The following ANO2 variants were observed in gnomAD, a reference collection of about 807,000 sequenced individuals.
The protein encoded by ANO2 is anoctamin-2.
A neutral mutation model predicts 124.2 loss-of-function variants in ANO2; 101 were observed. The observed-to-expected ratio is 0.81, with a 90% CI of 0.69 to 0.96. The LOEUF (loss-of-function observed/expected upper bound fraction) is 0.96. Among genes scored for constraint, ANO2 ranks in the 40% least tolerant of loss-of-function variants. ANO2 has a pLI of 0.00. For missense variants in ANO2, 1,293 were observed against 1,274.5 expected, an observed-to-expected ratio of 1.01 and a Z score of -0.22; for synonymous variants, 486 against 482.5, an observed-to-expected ratio of 1.01 and a Z score of -0.09.
intron 10 of ANO2, among the ~76,000 whole-genome samples, chr12:5,755,492 G>A (rs1043164966): frequency 2.0e-5 from 3 of 151,634 alleles, no homozygotes; most frequent in African/African-American, 4.9e-5. Context: ...TGCCATGTTC[G>A]TGTGCTGCAC....
chr12:5,614,761 T>C (rs376780061), intron 17 of ANO2, among the ~76,000 whole-genome samples: 22 of 152,318 alleles, frequency 1.4e-4, no homozygotes, highest in African/African-American at 5.3e-4. Context: ...ATCCCAGAGC[T>C]TGCCACTGGT....
chr12:5,634,663 T>C lies in ANO2; in HGVS notation c.1816+489A>G, dbSNP rs1945912055. 2.0e-5 allele frequency among the ~76,000 whole-genome samples: 3 copies of C among 152,280 alleles called. No homozygotes were observed. In the South Asian group the frequency reaches 6.2e-4, roughly 32 times the overall value. ...ATATGCCTCTTTGAAGTCTACTCAG[T>C]GCCTGGGGAATGTGTGGATTTTCTG... On this transcript the variant is annotated intron_variant, in intron 16 of 24. Coordinates refer to ENST00000682330, the MANE Select transcript of ANO2 (RefSeq NM_001364791.2).
At chr12:5,705,195 G>A (rs1039810008) in intron 14 of ANO2, among the ~76,000 whole-genome samples, 32 of 152,212 alleles carry the variant, frequency 2.1e-4, no homozygotes, top group African/African-American at 7.7e-4. Flanking sequence ...TATGCTGGGT[G>A]TTAGCTATGT....
At chr12:5,763,707 G>C (rs187561417) in intron 10 of ANO2, among the ~76,000 whole-genome samples, 1 of 152,046 alleles carries the variant, frequency 6.6e-6, no homozygotes, top group African/African-American at 2.4e-5. Flanking sequence ...AAAGCTATGC[G>C]TAGAGAGATA....
At chr12:5,746,806 G>A (rs553015720) in intron 11 of ANO2, among the ~76,000 whole-genome samples, 26 of 152,222 alleles carry the variant, frequency 1.7e-4, no homozygotes, top group Non-Finnish European at 3.2e-4. Context: ...CTGCTATTAA[G>A]GTCTCAGACC....
rs1952149923 is a variant in ANO2 at position 5,773,762 on chromosome 12, G to A, written c.1056-22792C>T. Among the ~76,000 whole-genome samples, 3 of 152,180 alleles carry A rather than the reference G, an allele frequency of 2.0e-5. No individual in the cohort carries two copies. The South Asian group carries it at 6.2e-4, about 32-fold the overall frequency. On this transcript the variant is annotated intron_variant, in intron 10 of 24. Coordinates refer to ENST00000682330, the MANE Select transcript of ANO2 (RefSeq NM_001364791.2). ...AGCAGGAATGAGAAAGAGGCACCAAGGCTCACAACTTGGTGAGTGAGCATG... is the reference window on the plus strand; with the variant it reads ...AGCAGGAATGAGAAAGAGGCACCAAAGCTCACAACTTGGTGAGTGAGCATG...
Position 5,635,377 on chromosome 12 carries a change from T to A in ANO2, c.1621-30A>T, listed in dbSNP as rs1945961003. 6.7e-7 allele frequency: 1 copy of A among 1,492,366 alleles called. No individual in the cohort carries two copies. Among genetic ancestry groups the A allele is most frequent in the Non-Finnish European group, 8.9e-7 (1 of 1,122,858 alleles). The allele number at this position is 1,492,366 out of a possible 1,614,324, so 92.4% of individuals were successfully genotyped here. A position where few individuals can be genotyped will look rare whatever the true frequency, so the allele number is the denominator to read the frequency against. On this transcript the variant is annotated intron_variant, in intron 15 of 24. Transcript: ENST00000682330. The surrounding 1 kb of genome is among the most constrained non-coding windows in gnomAD (Gnocchi z 5.2). The stretch of plus-strand genomic sequence containing the variant: ...TTGGGAAAACAGAGAGAAGTACACA[T>A]CAGCCGGCAATTACCGAGCACCTAC...
intron 16 of ANO2, among the ~76,000 whole-genome samples, chr12:5,625,857 C>G (rs558196932): frequency 9.2e-5 from 14 of 152,194 alleles, no homozygotes; most frequent in African/African-American, 3.4e-4. Flanking sequence ...AGTCAGAAGA[C>G]CTTTCTGTCT....
intron 14 of ANO2, among the ~76,000 whole-genome samples, chr12:5,693,025 T>C (rs887915365): frequency 1.3e-5 from 2 of 152,182 alleles, no homozygotes; most frequent in Non-Finnish European, 2.9e-5. Flanking sequence ...TAGCCGCTTC[T>C]GCTCAGTTAC....
rs573385474 is a variant in ANO2, at chr12:5,853,741, G to A, written c.633+302C>T. On this transcript the variant is annotated intron_variant, in intron 4 of 24. Coordinates refer to ENST00000682330, the MANE Select transcript of ANO2 (RefSeq NM_001364791.2). The stretch of plus-strand genomic sequence containing the variant: ...AAGTGTCTGGCTGTACTAGGACCCC[G>A]AGAAGAGAGAAAGGAGGTGAAACAG... Among the ~76,000 whole-genome samples, 7 of 152,212 alleles carry A rather than the reference G, an allele frequency of 4.6e-5. 1 individual carries two copies. The South Asian group carries it at 8.3e-4, about 18-fold the overall frequency.
At chr12:5,821,914 T>C (rs1203423659) in intron 7 of ANO2, among the ~76,000 whole-genome samples, 1 of 152,154 alleles carries the variant, frequency 6.6e-6, no homozygotes, top group Admixed American at 6.5e-5. Flanking sequence ...TCTTCATTCC[T>C]GCCACCCTGC....
At chr12:5,577,326 A>AT (rs527774895) in intron 22 of ANO2, among the ~76,000 whole-genome samples, 131 of 152,320 alleles carry the variant, frequency 8.6e-4, no homozygotes, top group African/African-American at 3.1e-3. Context: ...GCTGGCTGAT[A>AT]TGTTCCTGGG....
At chr12:5,872,791 G>A (rs1426541963) in intron 3 of ANO2, among the ~76,000 whole-genome samples, 1 of 152,124 alleles carries the variant, frequency 6.6e-6, no homozygotes, top group East Asian at 1.9e-4. Context: ...GCAAAGGAAT[G>A]GGCTCTGGAA....
chr12:5,808,776 G>A (rs769989168), intron 7 of ANO2, among the ~76,000 whole-genome samples: 42 of 152,126 alleles, frequency 2.8e-4, no homozygotes, highest in South Asian at 6.2e-4. Flanking sequence ...CCCACCTCCC[G>A]CTCTTACCCA....
intron 14 of ANO2, among the ~76,000 whole-genome samples, chr12:5,663,976 CA>C (rs966042875): frequency 5.3e-5 from 8 of 152,300 alleles, no homozygotes; most frequent in Non-Finnish European, 1.2e-4. Context: ...GGCTATGAAA[CA>C]GTTACAGTGC....
chr12:5,609,735 G>C (rs1414611284), intron 19 of ANO2, among the ~76,000 whole-genome samples: 1 of 151,706 alleles, frequency 6.6e-6, no homozygotes, highest in African/African-American at 2.4e-5. Flanking sequence ...GCCCTTACCA[G>C]GTCCCTGACA....
intron 14 of ANO2, among the ~76,000 whole-genome samples, chr12:5,683,642 C>T (rs1948590655): frequency 6.6e-6 from 1 of 152,070 alleles, no homozygotes; most frequent in South Asian, 2.1e-4. Context: ...ACAGAGTCGC[C>T]ATACCGTTTA....
intron 4 of ANO2, 119 bp from the exon 5 acceptor site, chr12:5,832,722 A>G (rs1954195939): frequency 2.5e-6 from 3 of 1,179,580 alleles, no homozygotes; most frequent in Non-Finnish European, 3.5e-6. Context: ...AGAGAGGAAG[A>G]GACTGGGAGA....
intron 4 of ANO2, among the ~76,000 whole-genome samples, chr12:5,849,955 T>C (rs1192628131): frequency 6.6e-6 from 1 of 152,258 alleles, no homozygotes; most frequent in East Asian, 1.9e-4. Flanking sequence ...TGCTCCTCTC[T>C]CAACTCAGGA....
Sources: allele counts gnomAD v4.1 joint callset (sites outside exome capture counted in the v4.1 genomes callset), GRCh38; gene constraint gnomAD v4.1.1; non-coding constraint Gnocchi (gnomAD v3.1); transcripts MANE v1.5; gene names NCBI Gene and HGNC (gene_info 2026-07-23, HGNC 2026-07-21).